Variants in WRN observed in about 807,000 individuals in gnomAD.
WRN encodes bifunctional 3'-5' exonuclease/ATP-dependent helicase WRN.
In WRN, 149 loss-of-function variants were observed where a neutral mutation model predicts 180.7. The observed-to-expected ratio is 0.82, with a 90% CI of 0.72 to 0.94. The LOEUF is 0.94. Among genes scored for constraint, WRN ranks in the 40% least tolerant of loss-of-function variants. WRN has a pLI of 0.00. For synonymous variants in WRN, 548 were observed against 568.9 expected, an observed-to-expected ratio of 0.96 and a Z score of 0.52; for missense variants, 1,661 against 1,700.1, an observed-to-expected ratio of 0.98 and a Z score of 0.40.
At chr8:31,157,255 C>T (rs1803420263) in intron 32 of WRN, 113 bp from the exon 33 acceptor site, 1 of 1,449,238 alleles carries the variant, frequency 6.9e-7, no homozygotes, top group Non-Finnish European at 9.5e-7. Flanking sequence ...AGGTTTAGTT[C>T]ATTGTTTATT....
At chr8:31,160,981 C>T (rs1227282476) in intron 33 of WRN, among the ~76,000 whole-genome samples, 12 of 113,388 alleles carry the variant, frequency 1.1e-4, no homozygotes, top group African/African-American at 4.0e-4. Context: ...GAGTGAGACT[C>T]TGTCTCAAAA....
At position 31,111,682 on chromosome 8, in the gene WRN, A is replaced by G; in HGVS notation, c.2156A>G (p.Asn719Ser). Residue 719 changes from asparagine (N) to serine (S), a missense_variant, in exon 19 of 35, where the codon AAT becomes AGT. By Grantham distance (46) the Asn-to-Ser change is conservative. This residue lies in a region of WRN where 1,141 missense variants were observed against 1,149.4 expected (regional missense o/e 0.99). Transcript: ENST00000298139. The part of the protein sequence containing the change: ...SIREDIVRCL[N>S]LRNPQITCTG... ...CGGGAAGACATTGTACGTTGCTTAA[A>G]TCTGAGAAATCCTCAGATCACCTGT... 6.2e-7 allele frequency: 1 copy of G among 1,614,124 alleles called. No homozygotes were observed. Among genetic ancestry groups the G allele is most frequent in the Non-Finnish European group, 8.5e-7 (1 of 1,179,994 alleles).
At position 31,157,324 on chromosome 8, in the gene WRN, G is replaced by T. The variant is rs1803423061; in HGVS notation, c.3820-44G>T. 4 of 1,611,084 alleles carry T rather than the reference G, an allele frequency of 2.5e-6. No individual in the cohort carries two copies. The East Asian group carries it at 8.9e-5, about 36-fold the overall frequency. The stretch of plus-strand genomic sequence containing the variant: ...ACATTTTATTTCCATGACTGGAGTG[G>T]ACACTTTTACAACTCACTGGGTTCT... On this transcript the variant is annotated intron_variant, in intron 32 of 34. Coordinates refer to ENST00000298139, the MANE Select transcript of WRN (RefSeq NM_000553.6).
At chr8:31,124,415 T>G (rs1246625932) in intron 21 of WRN, 107 bp from the exon 22 acceptor site, 2 of 845,722 alleles carry the variant, frequency 2.4e-6, no homozygotes, top group East Asian at 5.4e-5. Context: ...TGATGGGGTG[T>G]GGGTTTTGTA....
intron 18 of WRN, among the ~76,000 whole-genome samples, chr8:31,108,743 G>C (rs552052593): frequency 1.3e-5 from 2 of 152,224 alleles, no homozygotes; most frequent in South Asian, 4.1e-4. Flanking sequence ...TTTGGTTGTG[G>C]GGCCGGAGGG....
At chr8:31,086,043 A>G (rs754212600) in intron 11 of WRN, among the ~76,000 whole-genome samples, 11 of 152,152 alleles carry the variant, frequency 7.2e-5, no homozygotes, top group Admixed American at 6.5e-5. Context: ...TAATTTATAT[A>G]TTTTCTATTC....
rs1323704066 is a variant in WRN at position 31,064,994 on chromosome 8, G to T, written c.435G>T (p.Trp145Cys). 1 of 1,613,600 alleles carries T rather than the reference G, an allele frequency of 6.2e-7. No homozygotes were observed. Among genetic ancestry groups the T allele is most frequent in the Non-Finnish European group, 8.5e-7 (1 of 1,179,802 alleles). ...GTGTAGGAATTGAAGGAGATCAGTG[G>T]AAACTTCTACGTGACTTTGATATCA... Reference protein sequence around the residue: ...KAGVGIEGDQWKLLRDFDIKL... With the variant: ...KAGVGIEGDQCKLLRDFDIKL... The change falls in exon 5 of 35, where the codon TGG (tryptophan) becomes TGT (cysteine). Residue 145 changes from tryptophan to cysteine, a missense_variant. Around this residue, in one of 3 missense-constraint regions of WRN, gnomAD observed 500 missense variants for 504.1 expected, o/e 0.99. Coordinates refer to ENST00000298139, the MANE Select transcript of WRN (RefSeq NM_000553.6).
At chr8:31,046,414 G>A (rs1441688976) in intron 1 of WRN, among the ~76,000 whole-genome samples, 2 of 152,050 alleles carry the variant, frequency 1.3e-5, no homozygotes, top group Non-Finnish European at 2.9e-5. Flanking sequence ...TAATATGAGG[G>A]AGGATTAAGA....
chr8:31,090,866 C>T lies in WRN; in HGVS notation c.1753C>T (p.Pro585Ser), dbSNP rs554671327. 3.7e-5 allele frequency: 59 copies of T among 1,612,006 alleles called. No individual in the cohort carries two copies. Among genetic ancestry groups the T allele is most frequent in the Non-Finnish European group, 4.6e-5 (54 of 1,178,912 alleles). ...YGKSLCFQYP[P>S]VYVGKIGLVI... The stretch of plus-strand genomic sequence containing the variant: ...AAAGAGTTTGTGCTTCCAGTATCCA[C>T]CTGTTTATGTAGGCAAGATTGGCCT... The change falls in exon 15 of 35, where the codon CCT becomes TCT. Residue 585 changes from proline to serine, a missense_variant. Coordinates refer to ENST00000298139, the MANE Select transcript of WRN (RefSeq NM_000553.6).
intron 30 of WRN, among the ~76,000 whole-genome samples, chr8:31,148,226 C>T (rs947191916): frequency 3.3e-5 from 5 of 152,002 alleles, no homozygotes; most frequent in Non-Finnish European, 5.9e-5. Flanking sequence ...TTTTGTAAAA[C>T]GGGTTCCTTG....
At chr8:31,091,135 G>T (rs922496376) in intron 15 of WRN, among the ~76,000 whole-genome samples, 193 bp downstream of exon 15, 1 of 152,056 alleles carries the variant, frequency 6.6e-6, no homozygotes, top group African/African-American at 2.4e-5. Flanking sequence ...GTAATTCAAA[G>T]CTACCAGGTG....
At chr8:31,124,277 A>G (rs1353738664) in intron 21 of WRN, among the ~76,000 whole-genome samples, 1 of 152,062 alleles carries the variant, frequency 6.6e-6, no homozygotes, top group Non-Finnish European at 1.5e-5. Flanking sequence ...TGATACTTGG[A>G]CACAGGAAGA....
At chr8:31,161,169 C>T (rs6994361) in intron 33 of WRN, among the ~76,000 whole-genome samples, 93,034 of 151,974 alleles carry the variant, frequency 0.61, 28,795 homozygotes, top group South Asian at 0.72. Flanking sequence ...GCTCTAGCAT[C>T]TCATTGTTAT....
intron 1 of WRN, among the ~76,000 whole-genome samples, chr8:31,055,122 A>G (rs1812219618): frequency 6.6e-6 from 1 of 152,070 alleles, no homozygotes; most frequent in Admixed American, 6.6e-5. Flanking sequence ...TCTATCATTG[A>G]TGGGCATTTG....
At chr8:31,115,830 C>G (rs989206691) in intron 19 of WRN, among the ~76,000 whole-genome samples, 3 of 152,068 alleles carry the variant, frequency 2.0e-5, no homozygotes, top group Admixed American at 6.5e-5. Flanking sequence ...CTATAACATT[C>G]AGTCTCAAGA....
Position 31,172,900 on chromosome 8 carries a change from G to C in WRN, c.4192-95G>C, listed in dbSNP as rs1035744655. ...TTGTTTGGATGGGGGAGAAAGGATG[G>C]GTGTGTATTCAGGAACTTATGTTAC... On this transcript the variant is annotated intron_variant, in intron 34 of 34. Coordinates refer to ENST00000298139, the MANE Select transcript of WRN (RefSeq NM_000553.6). 1.6e-5 allele frequency: 16 copies of C among 1,002,556 alleles called. No homozygotes were observed. The Admixed American group carries it at 2.1e-4, about 13-fold the overall frequency. The allele number at this position is 1,002,556 out of a possible 1,614,324, so 62.1% of individuals were successfully genotyped here.
intron 21 of WRN, among the ~76,000 whole-genome samples, chr8:31,121,953 C>T (rs1375295475): frequency 1.3e-5 from 2 of 151,864 alleles, no homozygotes; most frequent in Non-Finnish European, 2.9e-5. Context: ...ATATATCAAA[C>T]ATAAGTTGAT....
At chr8:31,047,342 A>T (rs1433914938) in intron 1 of WRN, among the ~76,000 whole-genome samples, 1 of 151,932 alleles carries the variant, frequency 6.6e-6, no homozygotes, top group Non-Finnish European at 1.5e-5. Flanking sequence ...AGTATTCGCC[A>T]TGTTGCCTAG....
chr8:31,091,945 G>A (rs956733194), intron 16 of WRN, 47 bp downstream of exon 16: 3 of 1,557,242 alleles, frequency 1.9e-6, no homozygotes, highest in African/African-American at 1.4e-5. Flanking sequence ...TTATGGGGGT[G>A]CATATGCAAG....
Sources: gnomAD v4.1 joint callset for allele counts (sites outside exome capture counted in the v4.1 genomes callset) on GRCh38, gnomAD v4.1.1 for gene constraint, gnomAD v4.1.1 regional missense constraint, MANE v1.5 for transcripts, NCBI Gene and HGNC (gene_info 2026-07-23, HGNC 2026-07-21) for gene names.